The following CUL1 variants were observed in gnomAD, a reference collection of about 807,000 sequenced individuals.
CUL1 encodes the protein cullin-1.
In CUL1, 24 loss-of-function variants were observed where a neutral mutation model predicts 118.0. That is an observed-to-expected ratio of 0.20 (90% CI 0.15 to 0.29). The LOEUF (loss-of-function observed/expected upper bound fraction) is 0.29, where lower values mean the gene tolerates loss of function less well. CUL1 is among the 10% of genes least tolerant of loss of function. The pLI, the probability that CUL1 is intolerant of heterozygous loss-of-function variation, is 1.00. For synonymous variants in CUL1, 332 were observed against 340.4 expected (o/e 0.98, Z 0.27); for missense variants, 361 against 933.8 (o/e 0.39, Z 7.99).
rs1441124789 is a variant in CUL1 at position 148,767,699 on chromosome 7, C to G, written c.1033C>G (p.His345Asp). 6.2e-7 allele frequency: 1 copy of G among 1,613,846 alleles called. No homozygotes were observed. The highest frequency in any genetic ancestry group is 1.1e-5 in the South Asian group (1 of 91,074). Residue 345 changes from histidine to aspartate, a missense_variant, in exon 9 of 22, where the codon CAT becomes GAT. Physicochemically the swap from His to Asp is moderately conservative, Grantham distance 81. Transcript: ENST00000325222. Reference protein sequence around the residue: ...ELKKLLETHIHNQGLAAIEKC... With the variant: ...ELKKLLETHIDNQGLAAIEKC... ...GAAAAAACTGTTGGAGACACACATTCATAATCAGGGTCTTGCAGCCATTGA... is the reference window on the plus strand; with the variant it reads ...GAAAAAACTGTTGGAGACACACATTGATAATCAGGGTCTTGCAGCCATTGA...
At chr7:148,763,187 C>T (rs1465468964) in intron 7 of CUL1, among the ~76,000 whole-genome samples, 1 of 151,944 alleles carries the variant, frequency 6.6e-6, no homozygotes, top group Non-Finnish European at 1.5e-5. Flanking sequence ...AGGCCTGACA[C>T]CAAAGACGGT....
intron 2 of CUL1, among the ~76,000 whole-genome samples, chr7:148,750,735 T>C (rs980518624): frequency 2.0e-5 from 3 of 152,138 alleles, no homozygotes; most frequent in Non-Finnish European, 4.4e-5. Context: ...CTGACTCTCT[T>C]GGAGGTGAAT....
At chr7:148,779,752 G>A (rs577376145) in intron 9 of CUL1, among the ~76,000 whole-genome samples, 1 of 152,302 alleles carries the variant, frequency 6.6e-6, no homozygotes, top group South Asian at 2.1e-4. Flanking sequence ...AATATTGAGT[G>A]TCAACTTGAT....
At position 148,753,978 on chromosome 7, in the gene CUL1, A is replaced by G; in HGVS notation, c.143A>G (p.His48Arg). The change falls in exon 3 of 22, where the codon CAT becomes CGT. Residue 48 changes from histidine (H) to arginine (R), a missense_variant and splice_region_variant. His to Arg is a conservative substitution (Grantham distance 29, BLOSUM62 0). Coordinates refer to ENST00000325222, the MANE Select transcript of CUL1 (RefSeq NM_003592.3). ...GGTTTCCTTAACTTTTCTCCAAGTCATGTTTATAACTACTGTACTAGTGTT... is the reference window on the plus strand; with the variant it reads ...GGTTTCCTTAACTTTTCTCCAAGTCGTGTTTATAACTACTGTACTAGTGTT... ...AKSRYMELYT[H>R]VYNYCTSVHQ... is the part of the protein sequence containing the mutation. 1 of 1,584,448 alleles carries G rather than the reference A, an allele frequency of 6.3e-7. No individual in the cohort carries two copies. Among genetic ancestry groups the G allele is most frequent in the Non-Finnish European group, 8.5e-7 (1 of 1,171,220 alleles).
intron 1 of CUL1, among the ~76,000 whole-genome samples, chr7:148,726,424 T>A (rs1046721362): frequency 6.6e-6 from 1 of 152,082 alleles, no homozygotes; most frequent in African/African-American, 2.4e-5. Context: ...TTTCAAAATA[T>A]CTGAGTAGAT....
chr7:148,769,097 C>T (rs554806387), intron 9 of CUL1, among the ~76,000 whole-genome samples: 2 of 152,264 alleles, frequency 1.3e-5, no homozygotes, highest in East Asian at 1.9e-4. Flanking sequence ...GCTGCCTGCA[C>T]TCGGATCTCA....
chr7:148,773,423 C>T (rs740950), intron 9 of CUL1, among the ~76,000 whole-genome samples: 3 of 152,082 alleles, frequency 2.0e-5, no homozygotes, highest in Non-Finnish European at 2.9e-5. Flanking sequence ...CTATCCTAAG[C>T]CCTATTTGTA....
chr7:148,715,356 A>G (rs1250105528), intron 1 of CUL1, among the ~76,000 whole-genome samples: 2 of 151,700 alleles, frequency 1.3e-5, no homozygotes, highest in Non-Finnish European at 2.9e-5. Flanking sequence ...ATTGCTTTCT[A>G]CTCGTTCAGA....
At chr7:148,743,077 G>A (rs559563524) in intron 2 of CUL1, among the ~76,000 whole-genome samples, 17 of 152,100 alleles carry the variant, frequency 1.1e-4, no homozygotes, top group East Asian at 5.8e-4. Flanking sequence ...GGATTTTCCC[G>A]GGTAGCTTAT....
chr7:148,697,832 G>C (rs996342709), upstream of CUL1: 2 of 152,272 alleles, frequency 1.3e-5, no homozygotes, highest in African/African-American at 4.8e-5. Context: ...GCAGCGGGTA[G>C]TATTTAGGTT....
intron 2 of CUL1, among the ~76,000 whole-genome samples, chr7:148,731,020 G>T (rs748400416): frequency 6.6e-6 from 1 of 152,054 alleles, no homozygotes; most frequent in Non-Finnish European, 1.5e-5. Flanking sequence ...TTGCTATGTT[G>T]CCCGGGCTGT....
intron 1 of CUL1, among the ~76,000 whole-genome samples, chr7:148,720,918 AAT>A (rs1798376479): frequency 6.6e-6 from 1 of 152,358 alleles, no homozygotes; most frequent in Middle Eastern, 3.4e-3. Flanking sequence ...TTGTTACATG[AAT>A]ATATAGCCTA....
At chr7:148,780,267 GAAT>G (rs1345892622) in intron 9 of CUL1, among the ~76,000 whole-genome samples, 1 of 152,208 alleles carries the variant, frequency 6.6e-6, no homozygotes, top group Non-Finnish European at 1.5e-5. Flanking sequence ...ATGGAGAGAA[GAAT>G]GATGCAGAGA....
chr7:148,732,813 T>C (rs1170135776), intron 2 of CUL1, among the ~76,000 whole-genome samples: 2 of 152,224 alleles, frequency 1.3e-5, no homozygotes, highest in East Asian at 1.9e-4. Flanking sequence ...GCAACTTTAA[T>C]TTTTTTTAGG....
At chr7:148,775,808 A>G (rs1020861358) in intron 9 of CUL1, among the ~76,000 whole-genome samples, 3 of 151,850 alleles carry the variant, frequency 2.0e-5, no homozygotes, top group Admixed American at 6.6e-5. Context: ...ACATTTTTAA[A>G]TCTATATTCC....
intron 1 of CUL1, among the ~76,000 whole-genome samples, chr7:148,717,213 C>T (rs1326291861): frequency 1.3e-5 from 2 of 152,028 alleles, no homozygotes; most frequent in South Asian, 2.1e-4. Context: ...CCTGCCACCA[C>T]GCCCGGCTAA....
At chr7:148,712,849 A>G (rs243536) in intron 1 of CUL1, among the ~76,000 whole-genome samples, 56,672 of 151,964 alleles carry the variant, frequency 0.37, 10,659 homozygotes, top group South Asian at 0.48. Context: ...TTTCCATATT[A>G]GCTGTTTGCA....
intron 17 of CUL1, among the ~76,000 whole-genome samples, chr7:148,797,500 T>C (rs1252787808): frequency 6.6e-6 from 1 of 151,902 alleles, no homozygotes; most frequent in African/African-American, 2.4e-5. Flanking sequence ...ATCCAAACAC[T>C]TCTAGTCCCA....
chr7:148,776,541 T>G (rs1042201392), intron 9 of CUL1, among the ~76,000 whole-genome samples: 1 of 151,972 alleles, frequency 6.6e-6, no homozygotes, highest in Non-Finnish European at 1.5e-5. Flanking sequence ...GGTCTCAAAC[T>G]CCTGACCTCA....
Sources: allele counts gnomAD v4.1 joint callset (sites outside exome capture counted in the v4.1 genomes callset), GRCh38; gene constraint gnomAD v4.1.1; transcripts MANE v1.5; gene names NCBI Gene and HGNC (gene_info 2026-07-23, HGNC 2026-07-21).